The following GNG12 variants were observed in gnomAD, a reference collection of about 807,000 sequenced individuals.
GNG12 encodes G protein subunit gamma 12.
For missense variants in GNG12, 69 were observed against 83.8 expected (o/e 0.82, Z 0.69); for synonymous variants, 28 against 29.7 (o/e 0.94, Z 0.19).
chr1:67,790,278 C>T (rs1646794290), intron 1 of GNG12, among the ~76,000 whole-genome samples: 1 of 152,192 alleles, frequency 6.6e-6, no homozygotes, highest in African/African-American at 2.4e-5. Flanking sequence ...CTCCACCAGG[C>T]ATCCTTACAG....
intron 1 of GNG12, among the ~76,000 whole-genome samples, chr1:67,792,976 C>T (rs1213021890): frequency 1.3e-5 from 2 of 152,150 alleles, no homozygotes; most frequent in Non-Finnish European, 2.9e-5. Context: ...AGGGGACAGT[C>T]GTTCTCCCAG....
At chr1:67,725,346 C>T (rs186273792) in intron 2 of GNG12, among the ~76,000 whole-genome samples, 12 of 152,342 alleles carry the variant, frequency 7.9e-5, no homozygotes, top group Non-Finnish European at 1.2e-4. Context: ...CATGCCCTCA[C>T]CACCTTTTAA....
At chr1:67,757,712 T>TA (rs1646578140) in intron 2 of GNG12, among the ~76,000 whole-genome samples, 1 of 152,144 alleles carries the variant, frequency 6.6e-6, no homozygotes, top group Admixed American at 6.5e-5. Flanking sequence ...TCTCCTTTGA[T>TA]ATGTGTGATT....
intron 2 of GNG12, among the ~76,000 whole-genome samples, chr1:67,774,879 G>C (rs1646695261): frequency 6.6e-6 from 1 of 152,180 alleles, no homozygotes; most frequent in Admixed American, 6.5e-5. Context: ...CACTAATGGT[G>C]GAATATACTA....
chr1:67,780,046 G>A (rs1646728520), intron 1 of GNG12, among the ~76,000 whole-genome samples: 1 of 152,162 alleles, frequency 6.6e-6, no homozygotes, highest in South Asian at 2.1e-4. Flanking sequence ...TGGTATTATA[G>A]TCTTATGGGA....
At chr1:67,786,658 C>T (rs1199696874) in intron 1 of GNG12, among the ~76,000 whole-genome samples, 1 of 152,108 alleles carries the variant, frequency 6.6e-6, no homozygotes. Flanking sequence ...TGCAGTAGCT[C>T]ACGCCTGTAA....
intron 2 of GNG12, among the ~76,000 whole-genome samples, chr1:67,731,782 T>C (rs2100700455): frequency 6.6e-6 from 1 of 152,344 alleles, no homozygotes; most frequent in African/African-American, 2.4e-5. Context: ...TAAGATGATC[T>C]CTTCCTCCTT....
At chr1:67,780,915 T>A (rs1002339073) in intron 1 of GNG12, among the ~76,000 whole-genome samples, 1 of 152,204 alleles carries the variant, frequency 6.6e-6, no homozygotes, top group Admixed American at 6.5e-5. Flanking sequence ...AAAAGACACA[T>A]GCTGAAAAAT....
chr1:67,807,445 A>T (rs1041770294), intron 1 of GNG12, among the ~76,000 whole-genome samples: 9 of 151,900 alleles, frequency 5.9e-5, no homozygotes, highest in East Asian at 1.9e-4. Flanking sequence ...TAAAATAAAA[A>T]AATTCAAATT....
At chr1:67,754,078 G>A (rs764314439) in intron 2 of GNG12, among the ~76,000 whole-genome samples, 1 of 152,090 alleles carries the variant, frequency 6.6e-6, no homozygotes, top group Non-Finnish European at 1.5e-5. Flanking sequence ...GTTCCCGGTC[G>A]TGCCCGGAGA....
At chr1:67,706,800 C>T (rs200834612) in intron 3 of GNG12, among the ~76,000 whole-genome samples, 2 of 151,976 alleles carry the variant, frequency 1.3e-5, no homozygotes, top group South Asian at 2.1e-4. Context: ...GGATTATAGG[C>T]GTGCGCACGC....
At chr1:67,721,373 G>A (rs768811419) in intron 2 of GNG12, among the ~76,000 whole-genome samples, 5 of 152,094 alleles carry the variant, frequency 3.3e-5, no homozygotes, top group African/African-American at 2.4e-5. Context: ...CATGAGCATC[G>A]CCTGGGAGCC....
chr1:67,743,669 T>G (rs1189432794), intron 2 of GNG12, among the ~76,000 whole-genome samples: 1 of 152,228 alleles, frequency 6.6e-6, no homozygotes, highest in African/African-American at 2.4e-5. Context: ...GCCCTATTTA[T>G]GGCATATATT....
rs191723900 is a variant in GNG12 at position 67,726,976 on chromosome 1, A to T, written c.-26-19264T>A. ...ATTAAGGACAAATACTGGAAATTAT[A>T]CATGTGACCCTGCAAGCTTTGGAAA... is the stretch of plus-strand genomic sequence containing the variant. On this transcript the variant is annotated intron_variant, in intron 2 of 3. Coordinates refer to ENST00000370982, the MANE Select transcript of GNG12 (RefSeq NM_018841.6). Among the ~76,000 whole-genome samples, 310 of 152,322 alleles carry T rather than the reference A, an allele frequency of 2.0e-3. 5 individuals are homozygous for T. Among genetic ancestry groups the T allele is most frequent in the Admixed American group, 0.016 (249 of 15,294 alleles).
At chr1:67,773,737 A>T (rs1245701845) in intron 2 of GNG12, among the ~76,000 whole-genome samples, 1 of 152,120 alleles carries the variant, frequency 6.6e-6, no homozygotes, top group Non-Finnish European at 1.5e-5. Context: ...TCAGGAAGTT[A>T]TTTTTCTTTT....
intron 2 of GNG12, among the ~76,000 whole-genome samples, chr1:67,735,198 C>G (rs1029483512): frequency 6.6e-6 from 1 of 152,164 alleles, no homozygotes; most frequent in Non-Finnish European, 1.5e-5. Flanking sequence ...GAAATGGGTT[C>G]CATGCCATGT....
intron 2 of GNG12, among the ~76,000 whole-genome samples, chr1:67,708,560 C>T (rs913245053): frequency 7.2e-5 from 11 of 152,200 alleles, no homozygotes; most frequent in African/African-American, 2.7e-4. Context: ...TCCTTAGCCA[C>T]CTGGTGTAAA....
At chr1:67,757,424 GA>G (rs1338895012) in intron 2 of GNG12, among the ~76,000 whole-genome samples, 1 of 152,178 alleles carries the variant, frequency 6.6e-6, no homozygotes, top group African/African-American at 2.4e-5. Flanking sequence ...CATGAGCCCA[GA>G]ATCTCCTTTG....
chr1:67,831,929 G>A (rs1159455535), intron 1 of GNG12, among the ~76,000 whole-genome samples: 1 of 152,210 alleles, frequency 6.6e-6, no homozygotes, highest in East Asian at 1.9e-4. Flanking sequence ...TTTACTTCGA[G>A]AGCTGCGAAG....
Sources: allele counts gnomAD v4.1 joint callset (sites outside exome capture counted in the v4.1 genomes callset), GRCh38; gene constraint gnomAD v4.1.1; transcripts MANE v1.5; gene names NCBI Gene and HGNC (gene_info 2026-07-23, HGNC 2026-07-21).